The following AKT3 variants were observed in gnomAD, a reference collection of about 807,000 sequenced individuals.
AKT3 encodes AKT serine/threonine kinase 3.
In AKT3, 15 loss-of-function variants were observed where a neutral mutation model predicts 65.3. The observed-to-expected ratio is 0.23, with a 90% confidence interval of 0.15 to 0.35. The LOEUF is 0.35. Among genes scored for constraint, AKT3 ranks in the 10% least tolerant of loss-of-function variants. The pLI, the probability that AKT3 is intolerant of heterozygous loss-of-function variation, is 1.00. For synonymous variants in AKT3, 206 were observed against 183.8 expected (o/e 1.12, Z -0.98); for missense variants, 243 against 576.5 (o/e 0.42, Z 5.92).
chr1:243,660,975 A>C (rs1181285122), intron 4 of AKT3, among the ~76,000 whole-genome samples: 1 of 152,242 alleles, frequency 6.6e-6, no homozygotes, highest in East Asian at 1.9e-4. Context: ...AAAGAGAATA[A>C]AATACCTAGG....
chr1:243,790,292 T>A (rs1691537131), intron 2 of AKT3, among the ~76,000 whole-genome samples: 1 of 152,256 alleles, frequency 6.6e-6, no homozygotes, highest in Non-Finnish European at 1.5e-5. Context: ...TGATCTTCGC[T>A]AGATCTTCTG....
intron 4 of AKT3, among the ~76,000 whole-genome samples, chr1:243,650,249 A>G (rs1341988865): frequency 2.0e-5 from 3 of 151,912 alleles, no homozygotes; most frequent in Middle Eastern, 3.4e-3. Context: ...CCACTTTTTG[A>G]TGGGGTTGTT....
chr1:243,533,243 A>T (rs1300878212), intron 12 of AKT3, among the ~76,000 whole-genome samples: 1 of 152,166 alleles, frequency 6.6e-6, no homozygotes, highest in Non-Finnish European at 1.5e-5. Context: ...ATTTGGGTGC[A>T]TCTACACATG....
At chr1:243,572,702 C>T (rs757373367) in intron 9 of AKT3, among the ~76,000 whole-genome samples, 26 of 152,184 alleles carry the variant, frequency 1.7e-4, no homozygotes, top group Admixed American at 3.3e-4. Context: ...TCCAAGCAGT[C>T]GGGCAGAAAT....
intron 2 of AKT3, chr1:243,739,739 C>T (rs1312933994): frequency 6.6e-6 from 1 of 152,236 alleles, no homozygotes; most frequent in African/African-American, 2.4e-5. Context: ...CTCCCTCCTC[C>T]TTTTCCAGCC....
intron 2 of AKT3, among the ~76,000 whole-genome samples, chr1:243,823,829 T>C (rs1268774232): frequency 2.0e-5 from 3 of 152,236 alleles, no homozygotes; most frequent in Admixed American, 6.5e-5. Flanking sequence ...ATGGTCATAC[T>C]GCCTAAAATA....
At chr1:243,516,236 C>G (rs1670347080) in intron 12 of AKT3, among the ~76,000 whole-genome samples, 1 of 152,164 alleles carries the variant, frequency 6.6e-6, no homozygotes, top group South Asian at 2.1e-4. Context: ...TAATTTGTAT[C>G]TTTCAACATA....
Position 243,809,523 on chromosome 1 carries a change from A to G in AKT3, c.46+33602T>C, listed in dbSNP as rs534802380. On this transcript the variant is annotated intron_variant, in intron 2 of 13. Transcript: ENST00000673466. ...ATGCACCCAATACAGGAGCACCCAC[A>G]TTCATAAAGCAAGACCTTAGAGACC... 7.1e-4 allele frequency among the ~76,000 whole-genome samples: 108 copies of G among 152,340 alleles called. 1 individual carries two copies. Among genetic ancestry groups the G allele is most frequent in the Non-Finnish European group, 6.6e-4 (45 of 68,026 alleles).
chr1:243,579,104 G>GA (rs1212726169), intron 8 of AKT3, among the ~76,000 whole-genome samples: 10 of 152,162 alleles, frequency 6.6e-5, no homozygotes, highest in Non-Finnish European at 1.2e-4. Flanking sequence ...GGTCAAGGGA[G>GA]AAATCAACGA....
intron 2 of AKT3, among the ~76,000 whole-genome samples, chr1:243,720,335 T>A (rs1305408126): frequency 6.7e-6 from 1 of 150,338 alleles, no homozygotes; most frequent in Non-Finnish European, 1.5e-5. Flanking sequence ...TAAAAATGGT[T>A]AAAAATGGTT....
chr1:243,800,731 A>AG lies in AKT3; in HGVS notation c.46+42393_46+42394insC, dbSNP rs1234378173. ...GACTCAGTCTCGAGGAAAAAAAAAA[A>AG]AGAGAGATTATGTATAATAATCACA... is the stretch of plus-strand genomic sequence containing the variant. On this transcript the variant is annotated intron_variant, in intron 2 of 13. Coordinates refer to ENST00000673466, the MANE Select transcript of AKT3 (RefSeq NM_005465.7). Among the ~76,000 whole-genome samples the AG allele has an allele frequency of 2.6e-5, 4 of 152,100 alleles. No homozygotes were observed. The East Asian group carries it at 5.8e-4, about 22-fold the overall frequency.
chr1:243,782,605 A>T (rs1208649622), intron 2 of AKT3, among the ~76,000 whole-genome samples: 1 of 152,212 alleles, frequency 6.6e-6, no homozygotes, highest in Non-Finnish European at 1.5e-5. Flanking sequence ...GAGGTAGGGA[A>T]GGACAAACAT....
At chr1:243,741,371 A>T (rs1688144995) in intron 2 of AKT3, among the ~76,000 whole-genome samples, 1 of 152,174 alleles carries the variant, frequency 6.6e-6, no homozygotes, top group East Asian at 1.9e-4. Context: ...ATTAAGAAGC[A>T]TTCACCTTTT....
chr1:243,579,054 G>A (rs1675145459), intron 8 of AKT3, among the ~76,000 whole-genome samples: 1 of 152,162 alleles, frequency 6.6e-6, no homozygotes, highest in South Asian at 2.1e-4. Flanking sequence ...GACATATAAA[G>A]AGAATCAATA....
At chr1:243,701,754 T>C (rs1193039322) in intron 2 of AKT3, among the ~76,000 whole-genome samples, 1 of 150,020 alleles carries the variant, frequency 6.7e-6, no homozygotes, top group Non-Finnish European at 1.5e-5. Context: ...CTTTTTAAGA[T>C]ACCAATGCTC....
intron 2 of AKT3, among the ~76,000 whole-genome samples, chr1:243,697,772 A>C (rs1685150191): frequency 6.6e-6 from 1 of 151,626 alleles, no homozygotes; most frequent in African/African-American, 2.4e-5. Context: ...CCCAAATTTA[A>C]TCTTTGCTTA....
At chr1:243,525,029 A>G (rs991661422) in intron 12 of AKT3, among the ~76,000 whole-genome samples, 13 of 152,196 alleles carry the variant, frequency 8.5e-5, no homozygotes, top group Non-Finnish European at 1.9e-4. Flanking sequence ...CAGAGCTTGA[A>G]CAAGTACAGC....
intron 2 of AKT3, among the ~76,000 whole-genome samples, chr1:243,704,775 A>C (rs1198722737): frequency 1.3e-5 from 2 of 152,100 alleles, no homozygotes; most frequent in Non-Finnish European, 2.9e-5. Context: ...ATAATAAATA[A>C]CACATCTTTA....
chr1:243,742,279 T>G (rs915416929), intron 2 of AKT3, among the ~76,000 whole-genome samples: 1 of 152,086 alleles, frequency 6.6e-6, no homozygotes, highest in African/African-American at 2.4e-5. Flanking sequence ...AAAGCAAAAC[T>G]AGTTAAAATC....
Sources: allele counts gnomAD v4.1 joint callset (sites outside exome capture counted in the v4.1 genomes callset), GRCh38; gene constraint gnomAD v4.1.1; transcripts MANE v1.5; gene names NCBI Gene and HGNC (gene_info 2026-07-23, HGNC 2026-07-21).